The following CSGALNACT2 variants were observed in gnomAD, a reference collection of about 807,000 sequenced individuals.
The protein encoded by CSGALNACT2 is beta 4 GalNAcT-2.
In CSGALNACT2, 35 loss-of-function variants were observed where a neutral mutation model predicts 55.3. That is an observed-to-expected ratio of 0.63 (90% CI 0.48 to 0.84). The LOEUF (loss-of-function observed/expected upper bound fraction) is 0.84, where lower values mean the gene tolerates loss of function less well. Among genes scored for constraint, CSGALNACT2 ranks in the 40% least tolerant of loss-of-function variants. The pLI is 0.00. For missense variants in CSGALNACT2, 544 were observed against 657.5 expected (o/e 0.83, Z 1.89); for synonymous variants, 196 against 224.9 (o/e 0.87, Z 1.15).
Position 43,184,256 on chromosome 10 carries a change from T to C in CSGALNACT2, c.*714T>C, listed in dbSNP as rs560015724. 1 of 152,354 alleles carries C rather than the reference T, an allele frequency of 6.6e-6. No homozygotes were observed. The highest frequency in any genetic ancestry group is 6.5e-5 in the Admixed American group (1 of 15,302). The allele number at this position is 152,354 out of a possible 1,614,324, so 9.4% of individuals were successfully genotyped here. ...TAGTAGTCAGTTGCTGTAAACTATT[T>C]TGAACAAACAGAAAAGAACACGGAA... On this transcript the variant is annotated 3_prime_UTR_variant, in exon 8 of 8. Transcript: ENST00000374466.
rs1839202971 is a variant in CSGALNACT2, at chr10:43,163,853, G to T, written c.981-13G>T. ...GTGGGACTTATCATTTGTTGTGTGT[G>T]CTTTCCTCATAGTGAGTCTAATTTT... is the stretch of plus-strand genomic sequence containing the variant. On this transcript the variant is annotated splice_polypyrimidine_tract_variant and intron_variant, in intron 4 of 7. Transcript: ENST00000374466. The T allele has an allele frequency of 6.2e-7, 1 of 1,605,166 alleles. No homozygotes were observed.
At chr10:43,150,868 T>G (rs1456168732) in intron 1 of CSGALNACT2, among the ~76,000 whole-genome samples, 2 of 152,220 alleles carry the variant, frequency 1.3e-5, no homozygotes, top group Non-Finnish European at 2.9e-5. Flanking sequence ...TCACAGAGCT[T>G]ATCAATGCTT....
At chr10:43,141,087 A>T (rs889591725) in intron 1 of CSGALNACT2, among the ~76,000 whole-genome samples, 1 of 152,228 alleles carries the variant, frequency 6.6e-6, no homozygotes, top group African/African-American at 2.4e-5. Context: ...AAACATGGAA[A>T]GTAGGAAAGG....
At chr10:43,141,718 A>T (rs141414623) in intron 1 of CSGALNACT2, among the ~76,000 whole-genome samples, 384 of 151,250 alleles carry the variant, frequency 2.5e-3, no homozygotes, top group African/African-American at 8.8e-3. Context: ...ATCTAATAGG[A>T]GTTCCAGGAG....
chr10:43,146,412 C>G (rs1838748527), intron 1 of CSGALNACT2, among the ~76,000 whole-genome samples: 2 of 152,182 alleles, frequency 1.3e-5, no homozygotes, highest in Admixed American at 1.3e-4. Context: ...TTTATTCTAC[C>G]CCCGCTGGCA....
chr10:43,139,390 A>G (rs1311131429), intron 1 of CSGALNACT2, among the ~76,000 whole-genome samples: 1 of 152,262 alleles, frequency 6.6e-6, no homozygotes, highest in African/African-American at 2.4e-5. Flanking sequence ...TCATGTAACT[A>G]AAAGAATGAA....
In CSGALNACT2 at chr10:43,155,796, A is replaced by G; in HGVS notation, c.647A>G (p.Asn216Ser). The change falls in exon 2 of 8, where the codon AAT (asparagine) becomes AGT (serine). Residue 216 changes from asparagine to serine, a missense_variant. This residue lies in a region of CSGALNACT2 where 374 missense variants were observed against 401.3 expected (regional missense o/e 0.93). Transcript: ENST00000374466. ...GGAGAGAAACTGATATTTAATGAAA[A>G]TGACTTCGTAGAAGGTAATGTGAAA... ...PLGEKLIFNENDFVEGYYRTE... is the reference protein window; with the variant it reads ...PLGEKLIFNESDFVEGYYRTE... The G allele has an allele frequency of 6.2e-7, 1 of 1,608,046 alleles. No individual in the cohort carries two copies. The highest frequency in any genetic ancestry group is 8.5e-7 in the Non-Finnish European group (1 of 1,177,210).
intron 4 of CSGALNACT2, chr10:43,162,402 C>T: frequency 1.0e-6 from 1 of 984,158 alleles, no homozygotes. Context: ...TAAGCCTGGT[C>T]TCCACCCCTA....
chr10:43,155,908 C>T (rs771412438), intron 2 of CSGALNACT2, 98 bp downstream of exon 2: 39 of 1,006,742 alleles, frequency 3.9e-5, no homozygotes, highest in Non-Finnish European at 5.4e-5. Flanking sequence ...TAGACAAATG[C>T]TAGTATTGTA....
At chr10:43,157,017 G>T (rs1211133753) in intron 2 of CSGALNACT2, among the ~76,000 whole-genome samples, 1 of 152,212 alleles carries the variant, frequency 6.6e-6, no homozygotes, top group Admixed American at 6.5e-5. Context: ...ATCAGGGAGG[G>T]CATTATGCTT....
At chr10:43,164,827 C>G (rs550457356) in intron 5 of CSGALNACT2, among the ~76,000 whole-genome samples, 1 of 136,802 alleles carries the variant, frequency 7.3e-6, no homozygotes, top group East Asian at 2.2e-4. Flanking sequence ...AGCCTGGTGA[C>G]AGAGTGAGAC....
intron 1 of CSGALNACT2, among the ~76,000 whole-genome samples, chr10:43,153,135 GTCAGGAGA>G: frequency 6.6e-6 from 1 of 152,110 alleles, no homozygotes; most frequent in South Asian, 2.1e-4. Context: ...GGATCACGAG[GTCAGGAGA>G]TGAGACCACG....
chr10:43,162,871 G>T (rs1177353971), intron 4 of CSGALNACT2: 1 of 984,816 alleles, frequency 1.0e-6, no homozygotes, highest in East Asian at 1.1e-4. Flanking sequence ...CTCACTGTGA[G>T]AACCACTGCC....
intron 3 of CSGALNACT2, 90 bp from the exon 4 acceptor site, chr10:43,160,404 A>G: frequency 1.4e-6 from 1 of 696,326 alleles, no homozygotes; most frequent in Non-Finnish European, 2.5e-6. Context: ...GTAATGCCTC[A>G]TTTTCTTGTT....
At chr10:43,156,233 G>T (rs775160099) in intron 2 of CSGALNACT2, among the ~76,000 whole-genome samples, 11 of 152,094 alleles carry the variant, frequency 7.2e-5, no homozygotes, top group Non-Finnish European at 1.6e-4. Context: ...GCTATTTTTC[G>T]TATTGGAGGA....
chr10:43,173,513 G>A lies in CSGALNACT2; in HGVS notation c.1255-2438G>A, dbSNP rs147082783. On this transcript the variant is annotated intron_variant, in intron 6 of 7. Transcript: ENST00000374466. ...TCCTTCTACTTTCCTTTGTGAAAAT[G>A]TGTTGCTTTAAAAATCAAACCAATG... Among the ~76,000 whole-genome samples, 121 of 152,334 alleles carry A rather than the reference G, an allele frequency of 7.9e-4. 1 individual carries two copies. The East Asian group carries it at 0.018, about 22-fold the overall frequency.
chr10:43,149,828 G>C (rs75794970), intron 1 of CSGALNACT2, among the ~76,000 whole-genome samples: 5 of 152,232 alleles, frequency 3.3e-5, no homozygotes, highest in African/African-American at 1.2e-4. Flanking sequence ...AGCACTTTTC[G>C]AGGCTGAGGC....
intron 6 of CSGALNACT2, among the ~76,000 whole-genome samples, chr10:43,168,224 G>A (rs898338868): frequency 1.3e-5 from 2 of 152,112 alleles, no homozygotes; most frequent in Admixed American, 6.6e-5. Flanking sequence ...AGGTCAAGAC[G>A]GGTGGATCAC....
chr10:43,147,178 T>G (rs1324466834), intron 1 of CSGALNACT2, among the ~76,000 whole-genome samples: 1 of 151,278 alleles, frequency 6.6e-6, no homozygotes, highest in Non-Finnish European at 1.5e-5. Context: ...GGTTTCACCG[T>G]TTTAGCCGGG....
Sources: allele counts gnomAD v4.1 joint callset (sites outside exome capture counted in the v4.1 genomes callset), GRCh38; gene constraint gnomAD v4.1.1; regional missense constraint gnomAD v4.1.1; transcripts MANE v1.5; gene names NCBI Gene and HGNC (gene_info 2026-07-23, HGNC 2026-07-21).